PTPRJ: variants seen among roughly 807,000 people sequenced by gnomAD.
The protein encoded by PTPRJ is receptor-type tyrosine-protein phosphatase eta.
PTPRJ carries 129 observed loss-of-function variants against 141.3 expected under a neutral mutation model. The ratio of observed to expected loss-of-function variants is 0.91; its 90% CI spans 0.79 to 1.06. The LOEUF (loss-of-function observed/expected upper bound fraction) is 1.06, where lower values mean the gene tolerates loss of function less well. PTPRJ is among the 50% of genes least tolerant of loss of function. The pLI is 0.00. For synonymous variants in PTPRJ, 610 were observed against 640.5 expected (o/e 0.95, Z 0.72); for missense variants, 1,601 against 1,679.7 (o/e 0.95, Z 0.82).
At chr11:48,049,692 C>A (rs1005053537) in intron 1 of PTPRJ, among the ~76,000 whole-genome samples, 1 of 137,648 alleles carries the variant, frequency 7.3e-6, no homozygotes, top group Non-Finnish European at 1.5e-5. Context: ...CCAGCCTGGG[C>A]GACAATAGTG....
At chr11:48,035,575 G>A (rs1385289339) in intron 1 of PTPRJ, among the ~76,000 whole-genome samples, 1 of 121,546 alleles carries the variant, frequency 8.2e-6, no homozygotes, top group Non-Finnish European at 1.6e-5. Flanking sequence ...TAGTTTATGG[G>A]AAAGGGAGAC....
chr11:48,022,150 A>G (rs923245255), intron 1 of PTPRJ, among the ~76,000 whole-genome samples: 3 of 152,086 alleles, frequency 2.0e-5, no homozygotes, highest in African/African-American at 7.2e-5. Context: ...GGTAAATTTT[A>G]TGTAAGTGTT....
chr11:48,006,514 G>C (rs1016574500), intron 1 of PTPRJ, among the ~76,000 whole-genome samples: 1 of 152,164 alleles, frequency 6.6e-6, no homozygotes, highest in Non-Finnish European at 1.5e-5. Context: ...CAGTGAGCTG[G>C]TTATAATCCA....
chr11:48,051,529 A>T (rs2134247679), intron 1 of PTPRJ, among the ~76,000 whole-genome samples: 1 of 152,216 alleles, frequency 6.6e-6, no homozygotes, highest in South Asian at 2.1e-4. Context: ...GTGTTCAGAG[A>T]GGTTTTCCAG....
chr11:48,032,987 G>A (rs1004462750), intron 1 of PTPRJ, among the ~76,000 whole-genome samples: 6 of 152,156 alleles, frequency 3.9e-5, no homozygotes, highest in African/African-American at 1.4e-4. Context: ...GGAAGCCGAG[G>A]TGGGGAGATC....
At chr11:48,156,227 T>C in intron 21 of PTPRJ, 108 bp downstream of exon 21, 1 of 924,938 alleles carries the variant, frequency 1.1e-6, no homozygotes, top group Non-Finnish European at 1.6e-6. Flanking sequence ...ACTCAAACAT[T>C]AGCACTTTAT....
chr11:48,037,270 CT>C lies in PTPRJ; in HGVS notation c.96+56266del, dbSNP rs1430132612. Among the ~76,000 whole-genome samples the C allele has an allele frequency of 5.3e-5, 8 of 152,258 alleles. No homozygotes were observed. In the South Asian group the frequency reaches 1.7e-3, roughly 32 times the overall value. ...GCAGAACCCTGATTGACTCAAGAGT[CT>C]TTTCCAAATTCTGTATTCTCTCAGA... is the stretch of plus-strand genomic sequence containing the variant. On this transcript the variant is annotated intron_variant, in intron 1 of 24. Coordinates refer to ENST00000418331, the MANE Select transcript of PTPRJ (RefSeq NM_002843.4).
Position 48,144,820 on chromosome 11 carries a change from C to T in PTPRJ, c.2721C>T (p.Asp907=), listed in dbSNP as rs532049445. 2.5e-5 allele frequency: 41 copies of T among 1,614,154 alleles called. No homozygotes were observed. Among genetic ancestry groups the T allele is most frequent in the South Asian group, 1.6e-4 (15 of 91,084 alleles). ...CTGAAGTTTTGAAATATGAAATTGA[C>T]GTTGGGAATGAGTCAACCACACTTG... ...SLSEVLKYEI[D]VGNESTTLGY... Residue 907 remains aspartate, a synonymous_variant, in exon 13 of 25, where the codon GAC becomes GAT. Coordinates refer to ENST00000418331, the MANE Select transcript of PTPRJ (RefSeq NM_002843.4).
intron 1 of PTPRJ, among the ~76,000 whole-genome samples, chr11:48,028,791 C>G (rs564003081): frequency 1.6e-4 from 24 of 152,232 alleles, no homozygotes; most frequent in African/African-American, 5.5e-4. Flanking sequence ...AACTCCGTCT[C>G]AAAAGCAAAC....
At chr11:48,089,823 C>G (rs1026645841) in intron 1 of PTPRJ, among the ~76,000 whole-genome samples, 8 of 152,180 alleles carry the variant, frequency 5.3e-5, no homozygotes, top group Non-Finnish European at 1.0e-4. Context: ...CTGAGCCAGA[C>G]TGCCCTGTTC....
chr11:48,146,976 A>G lies in PTPRJ; in HGVS notation c.2999+13A>G. 6.2e-7 allele frequency: 1 copy of G among 1,600,346 alleles called. No individual in the cohort carries two copies. Among genetic ancestry groups the G allele is most frequent in the Non-Finnish European group, 8.6e-7 (1 of 1,167,444 alleles). On this transcript the variant is annotated intron_variant, in intron 15 of 24. Coordinates refer to ENST00000418331, the MANE Select transcript of PTPRJ (RefSeq NM_002843.4). Reference sequence around the variant, plus strand: ...GGAGAAAGAAGAGGTGATATTGCTTATGCTAATAATAATACTCTGGTATTT... The same window carrying G: ...GGAGAAAGAAGAGGTGATATTGCTTGTGCTAATAATAATACTCTGGTATTT...
chr11:48,122,809 C>T (rs1375525605), intron 4 of PTPRJ, among the ~76,000 whole-genome samples: 1 of 152,212 alleles, frequency 6.6e-6, no homozygotes, highest in African/African-American at 2.4e-5. Context: ...TTAGAATCAT[C>T]TAGGCCGATG....
At chr11:48,062,558 A>T (rs1022291610) in intron 1 of PTPRJ, among the ~76,000 whole-genome samples, 1 of 152,104 alleles carries the variant, frequency 6.6e-6, no homozygotes, top group Non-Finnish European at 1.5e-5. Context: ...TTTTGTTGTT[A>T]TTGTTAAAGG....
At chr11:48,144,491 G>A (rs1013848565) in intron 12 of PTPRJ, among the ~76,000 whole-genome samples, 184 bp from the exon 13 acceptor site, 1 of 152,198 alleles carries the variant, frequency 6.6e-6, no homozygotes, top group African/African-American at 2.4e-5. Context: ...GATTCATGGG[G>A]ATGAAGTGAG....
intron 1 of PTPRJ, among the ~76,000 whole-genome samples, chr11:48,036,591 TG>T (rs1280246089): frequency 1.3e-5 from 2 of 152,222 alleles, no homozygotes; most frequent in Non-Finnish European, 2.9e-5. Context: ...TCCACCATTT[TG>T]GGATGTTTAG....
chr11:48,067,006 A>G (rs143345539), intron 1 of PTPRJ, among the ~76,000 whole-genome samples: 31 of 152,350 alleles, frequency 2.0e-4, no homozygotes, highest in African/African-American at 4.3e-4. Flanking sequence ...CAGAGTTTCA[A>G]TGAAAAAGGG....
chr11:48,130,269 C>A (rs74702871), intron 7 of PTPRJ, among the ~76,000 whole-genome samples, 190 bp from the exon 8 acceptor site: 3,138 of 152,104 alleles, frequency 0.021, 109 homozygotes, highest in African/African-American at 0.071. Flanking sequence ...CTCTCATGAT[C>A]AAGTGCTCTC....
chr11:48,157,769 C>T (rs966915133), intron 21 of PTPRJ, among the ~76,000 whole-genome samples: 1 of 152,278 alleles, frequency 6.6e-6, no homozygotes, highest in South Asian at 2.1e-4. Context: ...TGACGCCCAT[C>T]CTCATGTTGC....
rs962664574 is a variant in PTPRJ, at chr11:48,068,178, G to A, written c.97-41880G>A. 2.0e-5 allele frequency among the ~76,000 whole-genome samples: 3 copies of A among 152,210 alleles called. No individual in the cohort carries two copies. The East Asian group carries it at 5.8e-4, about 29-fold the overall frequency. ...GATTTATTGACTGAATGAATGGCCT[G>A]CTTTAGGCAGCGGGAACACTGAATG... On this transcript the variant is annotated intron_variant, in intron 1 of 24. Transcript: ENST00000418331.
Sources: allele counts gnomAD v4.1 joint callset (sites outside exome capture counted in the v4.1 genomes callset), GRCh38; gene constraint gnomAD v4.1.1; transcripts MANE v1.5; gene names NCBI Gene and HGNC (gene_info 2026-07-23, HGNC 2026-07-21).